ARSH: variants seen among roughly 807,000 people sequenced by gnomAD.
ARSH encodes arylsulfatase H.
ARSH carries 32 observed loss-of-function variants against 28.7 expected under a neutral mutation model. The ratio of observed to expected loss-of-function variants is 1.11; its 90% confidence interval spans 0.84 to 1.50. The LOEUF is 1.50. ARSH is among the 40% of genes most tolerant of loss of function. The pLI, the probability that ARSH is intolerant of heterozygous loss-of-function variation, is 0.00. For missense variants in ARSH, 440 were observed against 452.4 expected (o/e 0.97, Z 0.25); for synonymous variants, 176 against 177.3 (o/e 0.99, Z 0.06).
intron 8 of ARSH, among the ~76,000 whole-genome samples, chrX:3,032,252 C>T (rs997029062): frequency 2.7e-5 from 3 of 109,773 alleles, no homozygotes; most frequent in African/African-American, 9.9e-5. Flanking sequence ...CCACTGCACT[C>T]CAGCCTGGGC....
chrX:3,015,392 A>T lies in ARSH; in HGVS notation c.763A>T (p.Arg255Trp). 2.5e-6 allele frequency: 3 copies of T among 1,208,716 alleles called. No individual in the cohort carries two copies. Among genetic ancestry groups the T allele is most frequent in the South Asian group, 1.8e-5 (1 of 56,388 alleles). Reference sequence around the variant, plus strand: ...GAAGGAGGCACTTGCTTTCATTGAAAGGTATTTAGCCATTTCTTGCCTGAT... The same window carrying T: ...GAAGGAGGCACTTGCTTTCATTGAATGGTATTTAGCCATTTCTTGCCTGAT... Reference protein sequence around the residue: ...MLKEALAFIERYKREPFLLFF... With the variant: ...MLKEALAFIEWYKREPFLLFF... The change falls in exon 4 of 9, where the codon AGG (arginine) becomes TGG (tryptophan). Residue 255 changes from arginine (R) to tryptophan (W), a missense_variant and splice_region_variant. Physicochemically the swap from Arg to Trp is moderately radical, Grantham distance 101. Transcript: ENST00000381130.
At chrX:3,028,304 G>A (rs1281765568) in intron 7 of ARSH, among the ~76,000 whole-genome samples, 2 of 108,120 alleles carry the variant, frequency 1.8e-5, no homozygotes, top group East Asian at 3.0e-4. Flanking sequence ...TCTGCGTCCC[G>A]GGTTCAAGTG....
chrX:3,012,570 T>A (rs58777694), intron 2 of ARSH, among the ~76,000 whole-genome samples: 703 of 13,569 alleles, frequency 0.052, 23 homozygotes, highest in Non-Finnish European at 0.062. Context: ...AAAAAAAAAA[T>A]ATATATATAT....
chrX:3,024,760 C>T (rs1373637523), intron 6 of ARSH, among the ~76,000 whole-genome samples: 1 of 111,157 alleles, frequency 9.0e-6, no homozygotes, highest in African/African-American at 3.3e-5. Flanking sequence ...TCATGGCCAG[C>T]AGATTCTTCC....
intron 1 of ARSH, among the ~76,000 whole-genome samples, chrX:3,009,120 G>A (rs1372840461): frequency 1.8e-5 from 2 of 111,400 alleles, no homozygotes; most frequent in Non-Finnish European, 3.8e-5. Context: ...TGAAGTGGGA[G>A]GATCATTTGA....
At chrX:3,026,258 C>T (rs5982985) in intron 6 of ARSH, among the ~76,000 whole-genome samples, 1,369 of 110,283 alleles carry the variant, frequency 0.012, 19 homozygotes, top group African/African-American at 0.041. Context: ...GCTATGATTG[C>T]GCCACTGCAC....
chrX:3,014,927 A>AATGTTGCC (rs766852637), intron 3 of ARSH, 43 bp from the exon 4 acceptor site: 20 of 1,148,294 alleles, frequency 1.7e-5, no homozygotes, highest in Non-Finnish European at 2.4e-5. Flanking sequence ...ACCGGCATTG[A>AATGTTGCC]ATGCTGCCAT....
chrX:3,033,064 T>C lies in ARSH; in HGVS notation c.1368T>C (p.Pro456=). The change falls in exon 9 of 9, where the codon CCT becomes CCC. Residue 456 remains proline (P), a synonymous_variant. Transcript: ENST00000381130. ...ATTATGTGACTCCTAAATTCTACCCTGAAGGAACAGGTGCCTGCTATGGGA... is the reference window on the plus strand; with the variant it reads ...ATTATGTGACTCCTAAATTCTACCCCGAAGGAACAGGTGCCTGCTATGGGA... The part of the protein sequence containing the change: ...KAHYVTPKFY[P]EGTGACYGSG... 1 of 1,211,414 alleles carries C rather than the reference T, an allele frequency of 8.3e-7. No homozygotes were observed. Among genetic ancestry groups the C allele is most frequent in the South Asian group, 1.8e-5 (1 of 56,927 alleles).
chrX:3,006,764 C>A, intron 1 of ARSH, 60 bp downstream of exon 1: 1 of 949,580 alleles, frequency 1.1e-6, no homozygotes, highest in Non-Finnish European at 1.5e-6. Flanking sequence ...ACAGTGTTCA[C>A]GTCTTTGCCG....
chrX:3,025,059 T>G (rs2147459820), intron 6 of ARSH, among the ~76,000 whole-genome samples: 1 of 110,267 alleles, frequency 9.1e-6, no homozygotes, highest in African/African-American at 3.3e-5. Flanking sequence ...ACTATGTATA[T>G]AAATTCACCG....
chrX:3,023,641 ATTT>A (rs2089890492), intron 5 of ARSH, among the ~76,000 whole-genome samples: 1 of 106,967 alleles, frequency 9.3e-6, no homozygotes, highest in African/African-American at 3.3e-5. Context: ...TTCTTTATGC[ATTT>A]TTAATACATC....
chrX:3,033,604 A>G lies in ARSH; in HGVS notation c.*219A>G, dbSNP rs1569126819. ...AGCATTTGTTGTATAATTTTTTTCT[A>G]GTATATAATTGTGCCATTGCCCAAG... On this transcript the variant is annotated 3_prime_UTR_variant, in exon 9 of 9. Transcript: ENST00000381130. The G allele has an allele frequency of 3.2e-6, 1 of 312,991 alleles. No homozygotes were observed. The highest frequency in any genetic ancestry group is 5.4e-5 in the East Asian group (1 of 18,545). The allele number at this position is 312,991 out of a possible 1,213,427, so 25.8% of individuals were successfully genotyped here. A position where few individuals can be genotyped will look rare whatever the true frequency, so the allele number is the denominator to read the frequency against.
At chrX:3,007,204 C>T (rs1318199608) in intron 1 of ARSH, among the ~76,000 whole-genome samples, 3 of 108,450 alleles carry the variant, frequency 2.8e-5, no homozygotes, top group Admixed American at 9.9e-5. Flanking sequence ...AGCTATGATC[C>T]CACCACTGCA....
chrX:3,012,629 CA>C (rs2089854042), intron 2 of ARSH, among the ~76,000 whole-genome samples: 1 of 65,820 alleles, frequency 1.5e-5, no homozygotes, highest in Non-Finnish European at 2.6e-5. Context: ...TATACACACA[CA>C]CACATATGAA....
intron 3 of ARSH, 54 bp downstream of exon 3, chrX:3,013,226 T>C: frequency 8.5e-7 from 1 of 1,171,075 alleles, no homozygotes; most frequent in Admixed American, 2.4e-5. Context: ...CTCTCTGTCA[T>C]CGTGTCTAAG....
intron 6 of ARSH, among the ~76,000 whole-genome samples, chrX:3,027,040 C>T (rs1234972495): frequency 9.1e-6 from 1 of 110,228 alleles, no homozygotes. Context: ...TCACCACAAC[C>T]TTCGCCTCCT....
intron 2 of ARSH, among the ~76,000 whole-genome samples, chrX:3,011,863 A>G (rs925645119): frequency 1.3e-4 from 14 of 110,932 alleles, no homozygotes; most frequent in African/African-American, 4.6e-4. Flanking sequence ...TTCTTTTGAG[A>G]TGGAGTTTCC....
chrX:3,028,051 C>T (rs2089903687), intron 7 of ARSH, among the ~76,000 whole-genome samples: 2 of 110,426 alleles, frequency 1.8e-5, no homozygotes, highest in Non-Finnish European at 3.8e-5. Flanking sequence ...TGCAGTGAGC[C>T]GAGATCTCGT....
At chrX:3,008,180 G>T (rs1424387520) in intron 1 of ARSH, among the ~76,000 whole-genome samples, 2 of 111,691 alleles carry the variant, frequency 1.8e-5, no homozygotes, top group Non-Finnish European at 3.8e-5. Flanking sequence ...CCTTTCCATG[G>T]CTGAATACTT....
Sources: gnomAD v4.1 joint callset for allele counts (sites outside exome capture counted in the v4.1 genomes callset) on GRCh38, gnomAD v4.1.1 for gene constraint, MANE v1.5 for transcripts, NCBI Gene and HGNC (gene_info 2026-07-23, HGNC 2026-07-21) for gene names.